The following PACRG variants were observed in gnomAD, a reference collection of about 807,000 sequenced individuals.
PACRG encodes parkin coregulated gene protein.
PACRG carries 29 observed loss-of-function variants against 29.7 expected under a neutral mutation model. That is an observed-to-expected ratio of 0.98 (90% CI 0.73 to 1.33). The LOEUF is 1.33. Ranked by LOEUF, PACRG falls within the 40% of genes most tolerant of loss-of-function variation. The probability of loss-of-function intolerance (pLI) is 0.00; values close to 1 mark genes in which losing one functional copy is unlikely to be tolerated. For missense variants in PACRG, 279 were observed against 316.2 expected (o/e 0.88, Z 0.89); for synonymous variants, 116 against 118.7 (o/e 0.98, Z 0.15).
intron 4 of PACRG, among the ~76,000 whole-genome samples, chr6:163,127,900 A>G (rs1343921639): frequency 6.6e-6 from 1 of 152,214 alleles, no homozygotes; most frequent in African/African-American, 2.4e-5. Flanking sequence ...GCAGAAATAT[A>G]TATTTTAATA....
chr6:162,927,665 G>T (rs531463111), intron 2 of PACRG, among the ~76,000 whole-genome samples: 1 of 152,178 alleles, frequency 6.6e-6, no homozygotes, highest in African/African-American at 2.4e-5. Context: ...GAGAGCATCA[G>T]GGTAAATAGC....
chr6:162,844,873 A>G (rs923559729), intron 2 of PACRG, among the ~76,000 whole-genome samples: 2 of 152,156 alleles, frequency 1.3e-5, no homozygotes, highest in African/African-American at 4.8e-5. Flanking sequence ...TTACTCCATC[A>G]TGGCTAGAAG....
chr6:162,881,123 T>G (rs1281783264), intron 2 of PACRG, among the ~76,000 whole-genome samples: 1 of 152,206 alleles, frequency 6.6e-6, no homozygotes, highest in African/African-American at 2.4e-5. Context: ...GACCACAGGC[T>G]CAGCCAGCCT....
intron 2 of PACRG, among the ~76,000 whole-genome samples, chr6:162,871,439 A>G (rs1792794330): frequency 6.6e-6 from 1 of 152,210 alleles, no homozygotes; most frequent in South Asian, 2.1e-4. Flanking sequence ...CACTATACAA[A>G]CTATAGCAAT....
intron 4 of PACRG, among the ~76,000 whole-genome samples, chr6:163,195,412 C>T (rs994216739): frequency 6.6e-6 from 1 of 152,146 alleles, no homozygotes; most frequent in African/African-American, 2.4e-5. Context: ...GTGGGTTCTC[C>T]TTACATCATA....
At chr6:163,277,834 T>G (rs1194343913) in intron 4 of PACRG, among the ~76,000 whole-genome samples, 1 of 152,010 alleles carries the variant, frequency 6.6e-6, no homozygotes, top group Non-Finnish European at 1.5e-5. Context: ...TGACTTCTTT[T>G]CCTTTGGGTA....
intron 4 of PACRG, among the ~76,000 whole-genome samples, chr6:163,234,786 C>T (rs1468108967): frequency 6.6e-6 from 1 of 152,156 alleles, no homozygotes; most frequent in Non-Finnish European, 1.5e-5. Context: ...GTCCATTGAA[C>T]TGAGCAACAA....
At chr6:163,100,045 C>T (rs532272490) in intron 4 of PACRG, among the ~76,000 whole-genome samples, 1 of 152,188 alleles carries the variant, frequency 6.6e-6, no homozygotes, top group South Asian at 2.1e-4. Context: ...AATTCCCCGC[C>T]GCTGAGGTCA....
At chr6:163,239,409 C>T (rs1782372349) in intron 4 of PACRG, among the ~76,000 whole-genome samples, 1 of 149,970 alleles carries the variant, frequency 6.7e-6, no homozygotes. Context: ...CAAGGACCAC[C>T]TCTATAAGAG....
intron 2 of PACRG, among the ~76,000 whole-genome samples, chr6:162,814,887 A>G (rs980518031): frequency 1.3e-5 from 2 of 152,202 alleles, no homozygotes; most frequent in African/African-American, 2.4e-5. Context: ...ATTGGCTTCA[A>G]AATAAATGTA....
chr6:163,304,799 AGTGACCGGCTTC>A (rs1416797612), intron 4 of PACRG, among the ~76,000 whole-genome samples: 3 of 152,204 alleles, frequency 2.0e-5, no homozygotes, highest in African/African-American at 7.2e-5. Context: ...GGAGAATGCA[AGTGACCGGCTTC>A]GTGAGGGAGA....
chr6:163,206,893 A>T (rs1440458504), intron 4 of PACRG, among the ~76,000 whole-genome samples: 2 of 151,644 alleles, frequency 1.3e-5, no homozygotes, highest in Non-Finnish European at 2.9e-5. Flanking sequence ...GTTGATTAAG[A>T]GAAGGTGCTA....
chr6:162,788,299 C>T (rs1198429972), intron 1 of PACRG, among the ~76,000 whole-genome samples: 1 of 152,116 alleles, frequency 6.6e-6, no homozygotes. Flanking sequence ...TTCAGCTAGT[C>T]ATATGCATTT....
intron 4 of PACRG, among the ~76,000 whole-genome samples, chr6:163,301,252 G>T (rs1035515140): frequency 2.6e-5 from 4 of 152,220 alleles, no homozygotes; most frequent in South Asian, 2.1e-4. Context: ...GAGACAAAAA[G>T]GAAGTAAACA....
chr6:163,285,683 A>G (rs1784376767), intron 4 of PACRG, among the ~76,000 whole-genome samples: 1 of 152,224 alleles, frequency 6.6e-6, no homozygotes, highest in Non-Finnish European at 1.5e-5. Context: ...ATGGGGAAGG[A>G]ATAATAACCA....
rs542568742 is a variant in PACRG at position 162,998,061 on chromosome 6, G to C, written c.292-64089G>C. 2.0e-5 allele frequency among the ~76,000 whole-genome samples: 3 copies of C among 152,252 alleles called. No homozygotes were observed. The East Asian group carries it at 5.8e-4, about 29-fold the overall frequency. On this transcript the variant is annotated intron_variant, in intron 2 of 4. Coordinates refer to ENST00000366888, the MANE Select transcript of PACRG (RefSeq NM_001080379.2). Reference sequence around the variant, plus strand: ...GATTGGGATAATAATAGTACCTACCGTAAAGAATTGTGAAGATGAAATGGG... The same window carrying C: ...GATTGGGATAATAATAGTACCTACCCTAAAGAATTGTGAAGATGAAATGGG...
intron 2 of PACRG, among the ~76,000 whole-genome samples, chr6:162,875,591 AT>A (rs1301236213): frequency 2.0e-5 from 3 of 152,234 alleles, no homozygotes; most frequent in Non-Finnish European, 4.4e-5. Context: ...CATCTTTATT[AT>A]TCTGTAAGTT....
chr6:163,308,619 T>A (rs1365536329), intron 4 of PACRG, among the ~76,000 whole-genome samples: 1 of 150,418 alleles, frequency 6.6e-6, no homozygotes. Context: ...TGAGCCAAGG[T>A]TGCACCACTA....
chr6:163,154,990 C>T (rs10945874), intron 4 of PACRG, among the ~76,000 whole-genome samples: 16,872 of 151,708 alleles, frequency 0.11, 1,180 homozygotes, highest in South Asian at 0.29. Flanking sequence ...AAACGTGGAA[C>T]ACTCACAATG....
Sources: allele counts gnomAD v4.1 joint callset (sites outside exome capture counted in the v4.1 genomes callset), GRCh38; gene constraint gnomAD v4.1.1; transcripts MANE v1.5; gene names NCBI Gene and HGNC (gene_info 2026-07-23, HGNC 2026-07-21).